The following ASIC2 variants were observed in gnomAD, a reference collection of about 807,000 sequenced individuals.
ASIC2 encodes the protein acid-sensing ion channel 2.
ASIC2 carries 25 observed loss-of-function variants against 57.3 expected under a neutral mutation model. That is an observed-to-expected ratio of 0.44 (90% CI 0.32 to 0.61). ASIC2 has a LOEUF of 0.61. Ranked by LOEUF, ASIC2 falls within the 20% of genes least tolerant of loss-of-function variation. The probability of loss-of-function intolerance (pLI) is 0.06; values close to 1 mark genes in which losing one functional copy is unlikely to be tolerated. For synonymous variants in ASIC2, 319 were observed against 307.5 expected (o/e 1.04, Z -0.39); for missense variants, 641 against 738.1 (o/e 0.87, Z 1.52).
At chr17:33,920,642 C>T (rs1404166498) in intron 1 of ASIC2, among the ~76,000 whole-genome samples, 1 of 152,122 alleles carries the variant, frequency 6.6e-6, no homozygotes, top group Non-Finnish European at 1.5e-5. Context: ...TCATTTGTAC[C>T]CCAGACTTCA....
intron 1 of ASIC2, among the ~76,000 whole-genome samples, chr17:34,088,399 G>C (rs1195722382): frequency 6.6e-6 from 1 of 152,176 alleles, no homozygotes; most frequent in East Asian, 1.9e-4. Context: ...TGTTCCTCTG[G>C]AAGTTTTGTC....
chr17:33,731,224 C>A (rs1909731573), intron 1 of ASIC2, among the ~76,000 whole-genome samples: 1 of 152,186 alleles, frequency 6.6e-6, no homozygotes, highest in African/African-American at 2.4e-5. Flanking sequence ...GTCACAAAAC[C>A]ACTTGTTGCT....
intron 1 of ASIC2, among the ~76,000 whole-genome samples, chr17:33,148,774 T>C (rs1904665970): frequency 6.6e-6 from 1 of 152,118 alleles, no homozygotes; most frequent in East Asian, 1.9e-4. Context: ...ATCAAAGTAA[T>C]AAGAAATAAA....
chr17:33,859,773 C>A (rs1914057667), intron 1 of ASIC2, among the ~76,000 whole-genome samples: 3 of 152,164 alleles, frequency 2.0e-5, no homozygotes, highest in African/African-American at 7.2e-5. Context: ...CAGTCTTGAA[C>A]TCCTGGGCTC....
intron 1 of ASIC2, among the ~76,000 whole-genome samples, chr17:34,101,322 C>G (rs1044997206): frequency 6.6e-6 from 1 of 152,184 alleles, no homozygotes; most frequent in African/African-American, 2.4e-5. Flanking sequence ...AAACAGTACT[C>G]AGACCTTTAG....
At chr17:33,367,555 G>T (rs1361241400) in intron 1 of ASIC2, among the ~76,000 whole-genome samples, 1 of 152,184 alleles carries the variant, frequency 6.6e-6, no homozygotes, top group Non-Finnish European at 1.5e-5. Flanking sequence ...CTCCCCATGG[G>T]GGCTTACTCT....
At chr17:33,851,743 T>C (rs317408) in intron 1 of ASIC2, among the ~76,000 whole-genome samples, 46,168 of 152,018 alleles carry the variant, frequency 0.3, 7,333 homozygotes, top group East Asian at 0.48. Context: ...GCCAAAAATG[T>C]TTCCAAGATG....
At chr17:33,556,116 G>A (rs879707005) in intron 1 of ASIC2, among the ~76,000 whole-genome samples, 2 of 152,220 alleles carry the variant, frequency 1.3e-5, no homozygotes, top group Non-Finnish European at 2.9e-5. Context: ...TCATGAGGTA[G>A]ACAAGTGTAA....
intron 1 of ASIC2, among the ~76,000 whole-genome samples, chr17:33,560,466 T>C (rs538784020): frequency 7.2e-5 from 11 of 152,210 alleles, no homozygotes; most frequent in Non-Finnish European, 1.5e-4. Context: ...AAATTGGCAT[T>C]TATGATACTC....
At chr17:33,161,228 TAAG>T (rs940229096) in intron 1 of ASIC2, among the ~76,000 whole-genome samples, 1 of 152,218 alleles carries the variant, frequency 6.6e-6, no homozygotes, top group Non-Finnish European at 1.5e-5. Context: ...GTAAGAGGAC[TAAG>T]GTTTATAGAG....
At chr17:33,870,398 T>A (rs551600880) in intron 1 of ASIC2, among the ~76,000 whole-genome samples, 1 of 150,934 alleles carries the variant, frequency 6.6e-6, no homozygotes, top group African/African-American at 2.4e-5. Flanking sequence ...ATAATAAATT[T>A]AAAAACTAGA....
chr17:33,102,355 C>T (rs1189048637), intron 2 of ASIC2, among the ~76,000 whole-genome samples: 12 of 152,326 alleles, frequency 7.9e-5, no homozygotes, highest in Middle Eastern at 3.4e-3. Flanking sequence ...GTTCTCATTC[C>T]GGATCCCAGG....
intron 1 of ASIC2, among the ~76,000 whole-genome samples, chr17:33,147,350 T>C (rs1451316322): frequency 1.3e-5 from 2 of 152,180 alleles, no homozygotes; most frequent in East Asian, 3.8e-4. Flanking sequence ...TGATAGCCAA[T>C]GTCCAAAAAA....
At chr17:33,806,884 A>C (rs1912281951) in intron 1 of ASIC2, among the ~76,000 whole-genome samples, 1 of 152,228 alleles carries the variant, frequency 6.6e-6, no homozygotes, top group African/African-American at 2.4e-5. Context: ...TCTGCAGAAC[A>C]ACCAAGATGT....
At chr17:33,370,998 C>T (rs899560286) in intron 1 of ASIC2, among the ~76,000 whole-genome samples, 12 of 138,066 alleles carry the variant, frequency 8.7e-5, no homozygotes, top group Non-Finnish European at 1.6e-5. Context: ...CACGCCCACT[C>T]TAGGTATAAT....
At chr17:34,018,464 G>T (rs535840818) in intron 1 of ASIC2, among the ~76,000 whole-genome samples, 26 of 152,266 alleles carry the variant, frequency 1.7e-4, no homozygotes, top group Non-Finnish European at 3.5e-4. Context: ...AAGAGTAATT[G>T]TGACTTTCAA....
intron 1 of ASIC2, among the ~76,000 whole-genome samples, chr17:33,419,684 T>A (rs1413671940): frequency 6.6e-6 from 1 of 152,190 alleles, no homozygotes. Context: ...CAAATATGGA[T>A]GTGCAGGGAT....
intron 1 of ASIC2, among the ~76,000 whole-genome samples, chr17:33,617,000 T>G (rs939637927): frequency 6.6e-6 from 1 of 152,220 alleles, no homozygotes; most frequent in Admixed American, 6.5e-5. Context: ...TGTGTAAACC[T>G]CTGTTGCCCT....
chr17:33,739,982 AGAAAAAAG>A (rs976599711), intron 1 of ASIC2, among the ~76,000 whole-genome samples: 1 of 150,932 alleles, frequency 6.6e-6, no homozygotes, highest in African/African-American at 2.5e-5. Flanking sequence ...AAAGAAAGAA[AGAAAAAAG>A]AAAGAAAGAA....
Sources: gnomAD v4.1 joint callset for allele counts (sites outside exome capture counted in the v4.1 genomes callset) on GRCh38, gnomAD v4.1.1 for gene constraint, MANE v1.5 for transcripts, NCBI Gene and HGNC (gene_info 2026-07-23, HGNC 2026-07-21) for gene names.